The following PLA2G4D variants were observed in gnomAD, a reference collection of about 807,000 sequenced individuals.
PLA2G4D encodes the protein phospholipase A2 group IVD.
PLA2G4D carries 80 observed loss-of-function variants against 94.4 expected under a neutral mutation model. The observed-to-expected ratio is 0.85, with a 90% confidence interval of 0.71 to 1.02. PLA2G4D has a LOEUF of 1.02. Among genes scored for constraint, PLA2G4D ranks in the 50% least tolerant of loss-of-function variants. The pLI is 0.00. For missense variants in PLA2G4D, 1,050 were observed against 1,034.7 expected (o/e 1.01, Z -0.20); for synonymous variants, 438 against 440.9 (o/e 0.99, Z 0.08).
rs751078239 is a variant in PLA2G4D at position 42,087,405 on chromosome 15, C to A, written c.150G>T (p.Gln50His). Reference protein sequence around the residue: ...LSEADPYVILQLSTAPGMKFK... With the variant: ...LSEADPYVILHLSTAPGMKFK... The stretch of plus-strand genomic sequence containing the variant: ...ACTTCATTCCAGGTGCGGTCGACAG[C>A]TGTAGGATCACGTAAGGGTCGGCCT... Residue 50 changes from glutamine to histidine, a missense_variant, in exon 3 of 20, where the codon CAG (glutamine) becomes CAT (histidine). Coordinates refer to ENST00000290472, the MANE Select transcript of PLA2G4D (RefSeq NM_178034.4). 21 of 1,614,052 alleles carry A rather than the reference C, an allele frequency of 1.3e-5. No homozygotes were observed. Among genetic ancestry groups the A allele is most frequent in the Non-Finnish European group, 1.5e-5 (18 of 1,180,032 alleles).
intron 12 of PLA2G4D, among the ~76,000 whole-genome samples, chr15:42,080,423 G>A (rs1226284783): frequency 3.3e-5 from 5 of 152,198 alleles, no homozygotes; most frequent in African/African-American, 9.6e-5. Flanking sequence ...GGGTGAGGGC[G>A]TAGGGAGGTA....
intron 2 of PLA2G4D, 96 bp from the exon 3 acceptor site, chr15:42,087,532 A>T: frequency 1.2e-6 from 2 of 1,601,168 alleles, no homozygotes; most frequent in Non-Finnish European, 8.5e-7. Flanking sequence ...CGGTCACCGC[A>T]GGTGACCCAG....
chr15:42,092,042 C>A (rs1890254481), intron 1 of PLA2G4D, among the ~76,000 whole-genome samples: 1 of 152,226 alleles, frequency 6.6e-6, no homozygotes, highest in African/African-American at 2.4e-5. Context: ...CAGTGGTCCC[C>A]CGGGCCCAGC....
At position 42,067,880 on chromosome 15, in the gene PLA2G4D, T is replaced by C. The variant is rs998559216; in HGVS notation, c.*835A>G. The stretch of plus-strand genomic sequence containing the variant: ...TAAATGGTGAGAGACTTATGCTTTC[T>C]TGTCAGAGTCAGGAACAAGACAAGA... On this transcript the variant is annotated 3_prime_UTR_variant, in exon 20 of 20. Coordinates refer to ENST00000290472, the MANE Select transcript of PLA2G4D (RefSeq NM_178034.4). The C allele has an allele frequency of 6.6e-6, 1 of 152,252 alleles. No individual in the cohort carries two copies. The allele number at this position is 152,252 out of a possible 1,614,324, so 9.4% of individuals were successfully genotyped here.
At chr15:42,078,894 A>T (rs1427502703) in intron 13 of PLA2G4D, among the ~76,000 whole-genome samples, 4 of 152,268 alleles carry the variant, frequency 2.6e-5, no homozygotes, top group Admixed American at 2.0e-4. Flanking sequence ...TTCAGCAGTT[A>T]ACTTACTAAG....
At chr15:42,069,851 C>G in intron 19 of PLA2G4D, 58 bp downstream of exon 19, 2 of 1,311,084 alleles carry the variant, frequency 1.5e-6, no homozygotes, top group Middle Eastern at 2.5e-4. Context: ...AGCCGGGGGG[C>G]CCAGGGCAGG....
chr15:42,073,661 C>T (rs572299519), intron 13 of PLA2G4D, among the ~76,000 whole-genome samples: 3 of 152,190 alleles, frequency 2.0e-5, no homozygotes, highest in Admixed American at 1.3e-4. Context: ...AATGTGTACA[C>T]GTGAGAGCAT....
At chr15:42,070,208 G>A in intron 18 of PLA2G4D, 113 bp from the exon 19 acceptor site, 1 of 1,112,868 alleles carries the variant, frequency 9.0e-7, no homozygotes, top group Non-Finnish European at 1.2e-6. Context: ...GCTCTGTCCT[G>A]TTTGTGGTCG....
At chr15:42,079,854 G>T in intron 12 of PLA2G4D, 95 bp from the exon 13 acceptor site, 1 of 1,234,400 alleles carries the variant, frequency 8.1e-7, no homozygotes, top group Non-Finnish European at 1.1e-6. Flanking sequence ...CCTGACACGT[G>T]GCTCCTGCCA....
intron 19 of PLA2G4D, 65 bp downstream of exon 19, chr15:42,069,844 C>T (rs558041268): frequency 1.8e-4 from 231 of 1,277,540 alleles, no homozygotes; most frequent in Admixed American, 3.6e-4. Context: ...GCTGGGCAGC[C>T]GGGGGGCCCA....
intron 19 of PLA2G4D, 120 bp from the exon 20 acceptor site, chr15:42,069,061 G>T: frequency 1.3e-6 from 1 of 796,990 alleles, no homozygotes; most frequent in Non-Finnish European, 2.0e-6. Context: ...AGCTCTCTGT[G>T]TCCTTTGCCC....
At chr15:42,070,219 G>T in intron 18 of PLA2G4D, 124 bp from the exon 19 acceptor site, 1 of 1,003,126 alleles carries the variant, frequency 1.0e-6, no homozygotes, top group Non-Finnish European at 1.4e-6. Context: ...TTTGTGGTCG[G>T]GCCAAGCTGC....
intron 14 of PLA2G4D, 149 bp downstream of exon 14, chr15:42,072,126 G>A: frequency 1.0e-6 from 1 of 968,740 alleles, no homozygotes; most frequent in Non-Finnish European, 1.6e-6. Flanking sequence ...CTCAAGCACA[G>A]AGAGATGCCC....
chr15:42,088,906 G>A (rs1050920431), intron 1 of PLA2G4D, among the ~76,000 whole-genome samples: 2 of 152,134 alleles, frequency 1.3e-5, no homozygotes, highest in Non-Finnish European at 2.9e-5. Context: ...GCACATGAAG[G>A]CCTATGAAAT....
intron 8 of PLA2G4D, among the ~76,000 whole-genome samples, chr15:42,082,810 A>G (rs929535639): frequency 5.3e-5 from 8 of 152,132 alleles, no homozygotes; most frequent in Non-Finnish European, 8.8e-5. Context: ...TGGGGACAGG[A>G]GAGCACTTGG....
At position 42,068,561 on chromosome 15, in the gene PLA2G4D, G is replaced by A. The variant is rs941822578; in HGVS notation, c.*154C>T. 5 of 661,002 alleles carry A rather than the reference G, an allele frequency of 7.6e-6. No homozygotes were observed. The highest frequency in any genetic ancestry group is 1.8e-5 in the African/African-American group (1 of 54,998). The allele number at this position is 661,002 out of a possible 1,614,324, so 40.9% of individuals were successfully genotyped here. On this transcript the variant is annotated 3_prime_UTR_variant, in exon 20 of 20. Transcript: ENST00000290472. ...CCATGAACGTAAGAGAGAAGTCTGT[G>A]TGTGCAGTTCCCTCTGGGCAGTGAG...
chr15:42,068,874 G>A lies in PLA2G4D; in HGVS notation c.2298C>T (p.Tyr766=), dbSNP rs1172203461. The A allele has an allele frequency of 1.5e-5, 24 of 1,613,568 alleles. No individual in the cohort carries two copies. The highest frequency in any genetic ancestry group is 2.0e-5 in the Non-Finnish European group (24 of 1,180,034). Reference sequence around the variant, plus strand: ...CCTTGTAGGTCATGTTGGACAGGGTGTAGGGGCAGGTGGCCCCGGTGAGAT... The same window carrying A: ...CCTTGTAGGTCATGTTGGACAGGGTATAGGGGCAGGTGGCCCCGGTGAGAT... ...QVDLTGATCP[Y]TLSNMTYKEE... The change falls in exon 20 of 20, where the codon TAC becomes TAT. Residue 766 remains tyrosine, a synonymous_variant. Transcript: ENST00000290472.
At position 42,068,841 on chromosome 15, in the gene PLA2G4D, G is replaced by A. The variant is rs1354002671; in HGVS notation, c.2331C>T (p.Asp777=). 1.1e-5 allele frequency: 17 copies of A among 1,613,896 alleles called. No individual in the cohort carries two copies. The highest frequency in any genetic ancestry group is 2.7e-5 in the African/African-American group (2 of 74,950). The change falls in exon 20 of 20, where the codon GAC becomes GAT. Residue 777 remains aspartate (D), a synonymous_variant. Transcript: ENST00000290472. ...CACTGAGCCGCAGCAGGCGCTCGAA[G>A]TCTTCCTCCTTGTAGGTCATGTTGG... ...TLSNMTYKEE[D]FERLLRLSDY...
In PLA2G4D at chr15:42,081,127, C is replaced by CG. The variant is rs1890028153; in HGVS notation, c.963dup (p.Val322ArgfsTer54). 1.9e-6 allele frequency: 3 copies of CG among 1,613,576 alleles called. No individual in the cohort carries two copies. Among genetic ancestry groups the CG allele is most frequent in the Non-Finnish European group, 2.5e-6 (3 of 1,179,816 alleles). On this transcript the variant is annotated frameshift_variant, in exon 12 of 20. Coordinates refer to ENST00000290472, the MANE Select transcript of PLA2G4D (RefSeq NM_178034.4). LOFTEE classifies it high-confidence loss of function. ...CCTCCTGTGGCCATGATGCCCACAA[C>CG]GGGTACCTGGACCACACACAGACAG...
Sources: gnomAD v4.1 joint callset for allele counts (sites outside exome capture counted in the v4.1 genomes callset) on GRCh38, gnomAD v4.1.1 for gene constraint, MANE v1.5 for transcripts, NCBI Gene and HGNC (gene_info 2026-07-23, HGNC 2026-07-21) for gene names.